HIP1: variants seen among roughly 807,000 people sequenced by gnomAD.
HIP1 encodes the protein huntingtin interacting protein 1, also known as huntingtin-interacting protein 1.
Under a neutral mutation model 147.6 loss-of-function variants are expected in HIP1, and 65 were observed. That is an observed-to-expected ratio of 0.44 (90% confidence interval 0.36 to 0.54). The LOEUF (loss-of-function observed/expected upper bound fraction) is 0.54. HIP1 is among the 20% of genes least tolerant of loss of function. HIP1 has a pLI of 0.00. For missense variants in HIP1, 1,061 were observed against 1,299.6 expected (o/e 0.82, Z 2.82); for synonymous variants, 479 against 504.0 (o/e 0.95, Z 0.67).
intron 1 of HIP1, among the ~76,000 whole-genome samples, chr7:75,607,279 G>A (rs1461031125): frequency 6.7e-6 from 1 of 148,472 alleles, no homozygotes; most frequent in African/African-American, 2.5e-5. Context: ...GCCCAGGCTG[G>A]AGTGCAGTGG....
intron 1 of HIP1, among the ~76,000 whole-genome samples, chr7:75,621,951 G>A (rs1797859273): frequency 6.6e-6 from 1 of 152,118 alleles, no homozygotes; most frequent in Non-Finnish European, 1.5e-5. Context: ...GTGGAGCTGT[G>A]GGTGAGCAGT....
chr7:75,583,635 G>C (rs115749905), intron 5 of HIP1, among the ~76,000 whole-genome samples: 6 of 151,894 alleles, frequency 4.0e-5, no homozygotes, highest in African/African-American at 1.2e-4. Flanking sequence ...TGTTGCCCAC[G>C]CTGGAGTGCA....
chr7:75,724,049 G>C (rs559927851), intron 1 of HIP1, among the ~76,000 whole-genome samples: 44 of 151,022 alleles, frequency 2.9e-4, no homozygotes, highest in African/African-American at 8.5e-4. Flanking sequence ...CTCCGCCCCC[G>C]GGGCTCAAGC....
At chr7:75,560,062 G>A in intron 13 of HIP1, 147 bp from the exon 14 acceptor site, 1 of 736,008 alleles carries the variant, frequency 1.4e-6, no homozygotes, top group East Asian at 2.8e-5. Flanking sequence ...TGGACCATCT[G>A]GTCATTAGGA....
intron 1 of HIP1, among the ~76,000 whole-genome samples, chr7:75,662,454 A>G (rs531889839): frequency 2.0e-5 from 3 of 152,246 alleles, no homozygotes; most frequent in Non-Finnish European, 4.4e-5. Flanking sequence ...CTCAGACTAC[A>G]AGTGTGAGCC....
chr7:75,632,153 G>A (rs764424899), intron 1 of HIP1, among the ~76,000 whole-genome samples: 7 of 152,142 alleles, frequency 4.6e-5, no homozygotes, highest in Admixed American at 1.3e-4. Context: ...CTATTGATGC[G>A]TGGTCGCCCT....
chr7:75,539,237 G>T, intron 30 of HIP1, 86 bp downstream of exon 30: 1 of 933,274 alleles, frequency 1.1e-6, no homozygotes, highest in Non-Finnish European at 1.8e-6. Flanking sequence ...TGGGTTCCTT[G>T]TTCTGTTCCA....
chr7:75,597,731 CTCTGTCTCAAAAAAAA>C (rs1796798448), intron 2 of HIP1, among the ~76,000 whole-genome samples: 1 of 98,076 alleles, frequency 1.0e-5, no homozygotes, highest in African/African-American at 4.7e-5. Flanking sequence ...CAGAGCAAGA[CTCTGTCTCAAAAAAAA>C]AAAAAAAAAA....
intron 1 of HIP1, among the ~76,000 whole-genome samples, chr7:75,657,454 C>A (rs552793503): frequency 6.8e-6 from 1 of 148,010 alleles, no homozygotes; most frequent in African/African-American, 2.5e-5. Flanking sequence ...CGCTTGAACC[C>A]GGGAGGTGGA....
Position 75,553,458 on chromosome 7 carries a change from C to T in HIP1, c.2290G>A (p.Gly764Ser), listed in dbSNP as rs374182088. 57 of 1,613,944 alleles carry T rather than the reference C, an allele frequency of 3.5e-5. No individual in the cohort carries two copies. Among genetic ancestry groups the T allele is most frequent in the Middle Eastern group, 1.6e-4 (1 of 6,062 alleles). The change falls in exon 22 of 31, where the codon GGC becomes AGC. Residue 764 changes from glycine (G) to serine (S), a missense_variant. Physicochemically the swap from Gly to Ser is moderately conservative, Grantham distance 56. Around this residue, in one of 3 missense-constraint regions of HIP1, gnomAD observed 810 missense variants for 946.8 expected, o/e 0.86. Coordinates refer to ENST00000336926, the MANE Select transcript of HIP1 (RefSeq NM_005338.7). ...RNCLSKIKAI[G>S]EELLPRGLDI... ...AATGATACTACTCCAAGTACCTCGC[C>T]GATGGCCTTGATCTTGCTCAGGCAG...
chr7:75,729,239 C>A (rs1335407104), intron 1 of HIP1, among the ~76,000 whole-genome samples: 2 of 124,580 alleles, frequency 1.6e-5, no homozygotes, highest in Non-Finnish European at 3.2e-5. Context: ...GAGGCTGAGG[C>A]GAGAGGATCG....
intron 1 of HIP1, among the ~76,000 whole-genome samples, chr7:75,636,297 G>A (rs1245725333): frequency 1.3e-5 from 2 of 151,298 alleles, no homozygotes; most frequent in Non-Finnish European, 2.9e-5. Context: ...GGTGCAGTGA[G>A]CCGAGACTGC....
intron 1 of HIP1, among the ~76,000 whole-genome samples, chr7:75,688,328 G>A (rs1028750760): frequency 6.6e-6 from 1 of 152,008 alleles, no homozygotes; most frequent in Non-Finnish European, 1.5e-5. Context: ...CACCACACAC[G>A]CAGAAGTCCC....
At chr7:75,726,878 T>C (rs1378954939) in intron 1 of HIP1, among the ~76,000 whole-genome samples, 1 of 151,972 alleles carries the variant, frequency 6.6e-6, no homozygotes, top group African/African-American at 2.4e-5. Flanking sequence ...GGTTTCACCA[T>C]GTTGGCCAGG....
intron 1 of HIP1, among the ~76,000 whole-genome samples, chr7:75,693,720 C>A (rs1584956076): frequency 9.1e-6 from 1 of 110,306 alleles, no homozygotes; most frequent in Admixed American, 1.2e-4. Flanking sequence ...ACAAAAAATA[C>A]AAAAATTAGC....
At chr7:75,636,024 CAAAAAAA>C (rs34434184) in intron 1 of HIP1, among the ~76,000 whole-genome samples, 23 of 53,712 alleles carry the variant, frequency 4.3e-4, no homozygotes, top group African/African-American at 9.9e-4. Context: ...GACCCTGTCT[CAAAAAAA>C]AAAAAAAAAA....
Position 75,536,793 on chromosome 7 carries a change from G to A in HIP1, c.*1379C>T. The A allele has an allele frequency of 4.3e-6, 1 of 230,012 alleles. No homozygotes were observed. 14.2% of individuals were successfully genotyped at this position (230,012 alleles called of 1,614,324 possible). A position where few individuals can be genotyped will look rare whatever the true frequency, so the allele number is the denominator to read the frequency against. On this transcript the variant is annotated 3_prime_UTR_variant, in exon 31 of 31. Coordinates refer to ENST00000336926, the MANE Select transcript of HIP1 (RefSeq NM_005338.7). ...TTTCTTCTGATTCTTGAAGGCTGAT[G>A]TAGCCGGGCAGAAAGATGAGCCTTG...
At chr7:75,691,610 C>A (rs1156380677) in intron 1 of HIP1, among the ~76,000 whole-genome samples, 2 of 151,812 alleles carry the variant, frequency 1.3e-5, no homozygotes, top group Non-Finnish European at 1.5e-5. Flanking sequence ...ACCAGCCTGG[C>A]CAGCATGGTG....
chr7:75,546,438 C>T (rs1054270677), intron 25 of HIP1, among the ~76,000 whole-genome samples: 1 of 152,094 alleles, frequency 6.6e-6, no homozygotes, highest in South Asian at 2.1e-4. Flanking sequence ...CGAGCTGCGG[C>T]GGCATATGGG....
Sources: gnomAD v4.1 joint callset for allele counts (sites outside exome capture counted in the v4.1 genomes callset) on GRCh38, gnomAD v4.1.1 for gene constraint, gnomAD v4.1.1 regional missense constraint, MANE v1.5 for transcripts, NCBI Gene and HGNC (gene_info 2026-07-23, HGNC 2026-07-21) for gene names.